Variants in DGKD observed in about 807,000 individuals in gnomAD.
The protein encoded by DGKD is diacylglycerol kinase delta.
A neutral mutation model predicts 154.4 loss-of-function variants in DGKD; 68 were observed. The ratio of observed to expected loss-of-function variants is 0.44; its 90% confidence interval spans 0.36 to 0.54. DGKD has a LOEUF of 0.54. Among genes scored for constraint, DGKD ranks in the 20% least tolerant of loss-of-function variants. The pLI is 0.00. For synonymous variants in DGKD, 693 were observed against 638.0 expected, an observed-to-expected ratio of 1.09 and a Z score of -1.30; for missense variants, 1,343 against 1,593.6, an observed-to-expected ratio of 0.84 and a Z score of 2.68.
intron 1 of DGKD, among the ~76,000 whole-genome samples, chr2:233,360,263 A>T (rs1458654052): frequency 6.6e-6 from 1 of 151,992 alleles, no homozygotes; most frequent in East Asian, 1.9e-4. Flanking sequence ...TCTTTAAAAA[A>T]ATTTTTTTTC....
intron 3 of DGKD, among the ~76,000 whole-genome samples, chr2:233,411,064 T>C (rs372559251): frequency 6.6e-6 from 1 of 152,226 alleles, no homozygotes; most frequent in Admixed American, 6.5e-5. Flanking sequence ...AGTAGTCCAT[T>C]GTATGCATAT....
intron 3 of DGKD, among the ~76,000 whole-genome samples, chr2:233,419,672 G>A (rs186932037): frequency 1.1e-4 from 17 of 152,316 alleles, no homozygotes; most frequent in Admixed American, 2.6e-4. Context: ...GCTGCAGGTG[G>A]AAGAGGCTTG....
Position 233,457,140 on chromosome 2 carries a change from C to G in DGKD, c.2473-81C>G. 3.7e-6 allele frequency: 5 copies of G among 1,345,042 alleles called. No individual in the cohort carries two copies. Among genetic ancestry groups the G allele is most frequent in the Non-Finnish European group, 4.1e-6 (4 of 968,240 alleles). The allele number at this position is 1,345,042 out of a possible 1,614,324, so 83.3% of individuals were successfully genotyped here. ...TGGCCACGGCTGTGCTCCTGAGCCC[C>G]TGGCGGTGGGAAGCTGGTAGAGAAG... is the stretch of plus-strand genomic sequence containing the variant. On this transcript the variant is annotated intron_variant, in intron 20 of 29. Transcript: ENST00000264057. This position sits in a 1 kb window ranked among gnomAD's most constrained non-coding sequence, Gnocchi z 5.5.
intron 3 of DGKD, among the ~76,000 whole-genome samples, chr2:233,414,938 G>A (rs2061924206): frequency 6.6e-6 from 1 of 152,162 alleles, no homozygotes; most frequent in South Asian, 2.1e-4. Flanking sequence ...GTAAGGGGCT[G>A]GAAGGGCCCA....
chr2:233,361,619 C>G (rs1296708155), intron 1 of DGKD, among the ~76,000 whole-genome samples: 1 of 152,138 alleles, frequency 6.6e-6, no homozygotes, highest in Non-Finnish European at 1.5e-5. Context: ...AGAGTTTTGG[C>G]AGAGAACTAG....
At position 233,455,003 on chromosome 2, in the gene DGKD, G is replaced by A. The variant is rs143380464; in HGVS notation, c.2375+130G>A. The A allele has an allele frequency of 2.3e-3, 1,355 of 595,208 alleles. 13 individuals carry two copies. The highest frequency in any genetic ancestry group is 0.019 in the Admixed American group (611 of 31,918). The allele number at this position is 595,208 out of a possible 1,614,324, so 36.9% of individuals were successfully genotyped here. A position where few individuals can be genotyped will look rare whatever the true frequency, so the allele number is the denominator to read the frequency against. On this transcript the variant is annotated intron_variant, in intron 19 of 29. Coordinates refer to ENST00000264057, the MANE Select transcript of DGKD (RefSeq NM_152879.3). ...TGCTAAGGCGGGGGGCAGAAATGGA[G>A]CCCAGATCGCCTTGTCAGAAGCACG...
chr2:233,438,298 G>T lies in DGKD; in HGVS notation c.1004G>T (p.Gly335Val), dbSNP rs756226321. The T allele has an allele frequency of 1.2e-6, 2 of 1,614,222 alleles. No individual in the cohort carries two copies. The highest frequency in any genetic ancestry group is 2.2e-5 in the South Asian group (2 of 91,086). The stretch of plus-strand genomic sequence containing the variant: ...AATTCAAAAAGTGGGGACAACCAGG[G>T]TGTGAAGTTCCTCAGAAGATTCAAA... ...FVNSKSGDNQ[G>V]VKFLRRFKQL... Residue 335 changes from glycine (G) to valine (V), a missense_variant, in exon 9 of 30, where the codon GGT becomes GTT. Gly to Val is a moderately radical substitution (Grantham distance 109). Coordinates refer to ENST00000264057, the MANE Select transcript of DGKD (RefSeq NM_152879.3). This position sits in a 1 kb window ranked among gnomAD's most constrained non-coding sequence, Gnocchi z 4.1.
chr2:233,363,935 A>T (rs138354906), intron 1 of DGKD, among the ~76,000 whole-genome samples: 201 of 152,306 alleles, frequency 1.3e-3, no homozygotes, highest in African/African-American at 4.5e-3. Flanking sequence ...ACCTCATAAC[A>T]CATTTCTCAG....
chr2:233,449,434 C>T lies in DGKD; in HGVS notation c.1888+58C>T, dbSNP rs985858185. 7 of 1,532,618 alleles carry T rather than the reference C, an allele frequency of 4.6e-6. No individual in the cohort carries two copies. The highest frequency in any genetic ancestry group is 6.2e-6 in the Non-Finnish European group (7 of 1,133,152). 94.9% of individuals were successfully genotyped at this position (1,532,618 alleles called of 1,614,324 possible). ...TCAGGCCAGCACTGGGCATGCCCAG[C>T]GTCCCCTGAACACGGAGATGACAGA... On this transcript the variant is annotated intron_variant, in intron 15 of 29. Coordinates refer to ENST00000264057, the MANE Select transcript of DGKD (RefSeq NM_152879.3). The surrounding 1 kb of genome is among the most constrained non-coding windows in gnomAD (Gnocchi z 5.3).
Position 233,398,594 on chromosome 2 carries a change from T to C in DGKD, c.348+8111T>C, listed in dbSNP as rs1575043622. Among the ~76,000 whole-genome samples the C allele has an allele frequency of 2.0e-5, 3 of 152,162 alleles. No individual in the cohort carries two copies. In the South Asian group the frequency reaches 6.2e-4, roughly 32 times the overall value. The stretch of plus-strand genomic sequence containing the variant: ...TCCCCTGATTTATTAAACTTTGTGT[T>C]ATAGTAATTTTAGTTGTTGTCTTCA... On this transcript the variant is annotated intron_variant, in intron 3 of 29. Coordinates refer to ENST00000264057, the MANE Select transcript of DGKD (RefSeq NM_152879.3).
chr2:233,411,735 T>G (rs1184037433), intron 3 of DGKD, among the ~76,000 whole-genome samples: 1 of 152,192 alleles, frequency 6.6e-6, no homozygotes, highest in African/African-American at 2.4e-5. Context: ...CAGAAAACCC[T>G]TGTCTACCTC....
At chr2:233,376,815 T>A (rs1199605282) in intron 1 of DGKD, among the ~76,000 whole-genome samples, 1 of 152,132 alleles carries the variant, frequency 6.6e-6, no homozygotes, top group Admixed American at 6.6e-5. Context: ...CACCTGAGCC[T>A]GGAGCAAGTC....
At chr2:233,357,852 A>T (rs1207220902) in intron 1 of DGKD, among the ~76,000 whole-genome samples, 1 of 152,146 alleles carries the variant, frequency 6.6e-6, no homozygotes, top group Non-Finnish European at 1.5e-5. Flanking sequence ...TGCATTTCTA[A>T]CAAGCTCCCA....
chr2:233,440,464 G>A lies in DGKD; in HGVS notation c.1086-1423G>A, dbSNP rs752698622. On this transcript the variant is annotated intron_variant, in intron 9 of 29. Transcript: ENST00000264057. The surrounding 1 kb of genome is among the most constrained non-coding windows in gnomAD (Gnocchi z 4.9). ...ACACGCAGGGTCCCCCGGCACTTCA[G>A]TGGGGGTGACACAGCTTCTCTGGGA... 6.6e-6 allele frequency among the ~76,000 whole-genome samples: 1 copy of A among 152,224 alleles called. No individual in the cohort carries two copies. Among genetic ancestry groups the A allele is most frequent in the Non-Finnish European group, 1.5e-5 (1 of 68,028 alleles).
At chr2:233,432,102 T>A (rs1048000428) in intron 3 of DGKD, among the ~76,000 whole-genome samples, 7 of 152,322 alleles carry the variant, frequency 4.6e-5, no homozygotes, top group African/African-American at 1.7e-4. Context: ...GAGAAAATAT[T>A]TGCAAACTGC....
At chr2:233,357,200 C>T (rs562545284) in intron 1 of DGKD, among the ~76,000 whole-genome samples, 1 of 152,190 alleles carries the variant, frequency 6.6e-6, no homozygotes, top group East Asian at 1.9e-4. Flanking sequence ...GCTGCTGCTG[C>T]GGATGTACTG....
intron 3 of DGKD, among the ~76,000 whole-genome samples, chr2:233,432,678 A>C (rs576483127): frequency 6.6e-6 from 1 of 152,242 alleles, no homozygotes; most frequent in South Asian, 2.1e-4. Context: ...AAACAAAACA[A>C]AACAAAAATT....
Position 233,459,763 on chromosome 2 carries a change from A to G in DGKD, c.2701A>G (p.Thr901Ala). Residue 901 changes from threonine to alanine, a missense_variant, in exon 23 of 30, where the codon ACG becomes GCG. Around this residue, in one of 6 missense-constraint regions of DGKD, gnomAD observed 429 missense variants for 496.3 expected, o/e 0.86. Coordinates refer to ENST00000264057, the MANE Select transcript of DGKD (RefSeq NM_152879.3). This position sits in a 1 kb window ranked among gnomAD's most constrained non-coding sequence, Gnocchi z 5.7. ...GGCTATGATGTCTGCTCAGTGTCGCACGGTGAAGATCTCCATCCTTGGGGA... is the reference window on the plus strand; with the variant it reads ...GGCTATGATGTCTGCTCAGTGTCGCGCGGTGAAGATCTCCATCCTTGGGGA... ...LQHHRIAQCR[T>A]VKISILGDEG... 1 of 1,613,884 alleles carries G rather than the reference A, an allele frequency of 6.2e-7. No homozygotes were observed. Among genetic ancestry groups the G allele is most frequent in the Non-Finnish European group, 8.5e-7 (1 of 1,179,904 alleles).
intron 1 of DGKD, chr2:233,386,177 T>G: frequency 3.0e-6 from 1 of 328,150 alleles, no homozygotes; most frequent in Admixed American, 4.0e-5. Flanking sequence ...TTTTTCCCAT[T>G]TAGGGAAGAG....
Sources: allele counts gnomAD v4.1 joint callset (sites outside exome capture counted in the v4.1 genomes callset), GRCh38; gene constraint gnomAD v4.1.1; regional missense constraint gnomAD v4.1.1; non-coding constraint Gnocchi (gnomAD v3.1); transcripts MANE v1.5; gene names NCBI Gene and HGNC (gene_info 2026-07-23, HGNC 2026-07-21).